The following SSMEM1 variants were observed in gnomAD, a reference collection of about 807,000 sequenced individuals.
The protein encoded by SSMEM1 is serine rich single-pass membrane protein 1, also known as serine-rich single-pass membrane protein 1.
Under a neutral mutation model 9.9 loss-of-function variants are expected in SSMEM1, and 12 were observed. The ratio of observed to expected loss-of-function variants is 1.21; its 90% CI spans 0.78 to 1.96. The LOEUF is 1.96. Among genes scored for constraint, SSMEM1 ranks in the 30% most tolerant of loss-of-function variants. The pLI, the probability that SSMEM1 is intolerant of heterozygous loss-of-function variation, is 0.00. For missense variants in SSMEM1, 259 were observed against 292.2 expected, an observed-to-expected ratio of 0.89 and a Z score of 0.83; for synonymous variants, 96 against 98.9, an observed-to-expected ratio of 0.97 and a Z score of 0.17.
chr7:130,209,963 A>T (rs1242986383), intron 1 of SSMEM1, among the ~76,000 whole-genome samples: 1 of 152,210 alleles, frequency 6.6e-6, no homozygotes, highest in Non-Finnish European at 1.5e-5. Context: ...TCAAGAGAGC[A>T]TGTGGTCCAG....
At chr7:130,210,648 A>G (rs1798574161) in intron 1 of SSMEM1, among the ~76,000 whole-genome samples, 1 of 152,212 alleles carries the variant, frequency 6.6e-6, no homozygotes, top group African/African-American at 2.4e-5. Context: ...AAAAATCAAG[A>G]GTTGTTAGTG....
At chr7:130,214,588 T>C (rs963439404) in intron 2 of SSMEM1, among the ~76,000 whole-genome samples, 2 of 152,172 alleles carry the variant, frequency 1.3e-5, no homozygotes, top group African/African-American at 2.4e-5. Flanking sequence ...CTGCAATTGA[T>C]GAACAAGTAT....
rs536804272 is a variant in SSMEM1 at position 130,212,836 on chromosome 7, G to A, written c.184-644G>A. Among the ~76,000 whole-genome samples the A allele has an allele frequency of 6.6e-5, 10 of 152,188 alleles. No homozygotes were observed. The South Asian group carries it at 1.9e-3, about 28-fold the overall frequency. On this transcript the variant is annotated intron_variant, in intron 1 of 2. Transcript: ENST00000297819. ...CACTACTTCTCTGTAATGTAAATGG[G>A]TACAGGAAAGCTTTATAAGCTATAG...
intron 2 of SSMEM1, 107 bp from the exon 3 acceptor site, chr7:130,215,867 A>G: frequency 7.0e-7 from 1 of 1,433,606 alleles, no homozygotes; most frequent in Non-Finnish European, 9.4e-7. Context: ...CAATGGCTTG[A>G]CAACTGGCCA....
rs1434929725 is a variant in SSMEM1, at chr7:130,216,224, G to T, written c.489G>T (p.Lys163Asn). Reference protein sequence around the residue: ...EESNSEASSWKESESEHHPSP... With the variant: ...EESNSEASSWNESESEHHPSP... The stretch of plus-strand genomic sequence containing the variant: ...CTAACTCAGAAGCCTCCTCGTGGAA[G>T]GAGAGTGAAAGTGAACACCACCCAT... Residue 163 changes from lysine (K) to asparagine (N), a missense_variant, in exon 3 of 3, where the codon AAG (lysine) becomes AAT (asparagine). Physicochemically the swap from Lys to Asn is moderately conservative, Grantham distance 94 (BLOSUM62 0). Transcript: ENST00000297819. 1 of 1,614,180 alleles carries T rather than the reference G, an allele frequency of 6.2e-7. No homozygotes were observed. The highest frequency in any genetic ancestry group is 1.1e-5 in the South Asian group (1 of 91,078).
chr7:130,213,230 C>T (rs1798626700), intron 1 of SSMEM1, among the ~76,000 whole-genome samples: 1 of 152,024 alleles, frequency 6.6e-6, no homozygotes, highest in Admixed American at 6.6e-5. Flanking sequence ...CACCTGTAAT[C>T]CCAGCTACTT....
intron 1 of SSMEM1, among the ~76,000 whole-genome samples, chr7:130,209,019 C>T (rs765337356): frequency 2.0e-5 from 3 of 152,196 alleles, no homozygotes; most frequent in Non-Finnish European, 4.4e-5. Context: ...CAAGCCACCA[C>T]GCTCTGCTAA....
chr7:130,213,692 C>CAAAAAAAAAAAAAAAAAAAAAAAAAA (rs1179465068), intron 2 of SSMEM1, among the ~76,000 whole-genome samples, 158 bp downstream of exon 2: 5 of 79,784 alleles, frequency 6.3e-5, no homozygotes, highest in Non-Finnish European at 1.2e-4. Flanking sequence ...GACCCAGTAC[C>CAAAAAAAAAAAAAAAAAAAAAAAAAA]AAAAAAAAAA....
chr7:130,216,610 G>T lies in SSMEM1; in HGVS notation c.*140G>T. ...ACAAAAACATACTTGGAACCCAAGA[G>T]GTAAAATCTCACACAATTCTTCGTT... On this transcript the variant is annotated 3_prime_UTR_variant, in exon 3 of 3. Transcript: ENST00000297819. 9.2e-7 allele frequency: 1 copy of T among 1,082,664 alleles called. No individual in the cohort carries two copies. Among genetic ancestry groups the T allele is most frequent in the Non-Finnish European group, 1.3e-6 (1 of 766,586 alleles). 67.1% of individuals were successfully genotyped at this position (1,082,664 alleles called of 1,614,324 possible). A position where few individuals can be genotyped will look rare whatever the true frequency, so the allele number is the denominator to read the frequency against.
upstream of SSMEM1, among the ~76,000 whole-genome samples, chr7:130,205,901 C>G (rs1015921303): frequency 6.6e-6 from 1 of 152,048 alleles, no homozygotes; most frequent in African/African-American, 2.4e-5. Context: ...GTCTCGATTT[C>G]CTAACCTCAA....
chr7:130,209,762 T>C (rs994433417), intron 1 of SSMEM1, among the ~76,000 whole-genome samples: 1 of 152,150 alleles, frequency 6.6e-6, no homozygotes, highest in African/African-American at 2.4e-5. Flanking sequence ...GTATTTTTAG[T>C]AGAGATGGAG....
upstream of SSMEM1, chr7:130,205,594 T>G: frequency 1.5e-6 from 1 of 646,640 alleles, no homozygotes; most frequent in Non-Finnish European, 2.7e-6. Flanking sequence ...GGGAGAAAGC[T>G]AAGCAGCAAA....
chr7:130,213,592 G>A, intron 2 of SSMEM1, 58 bp downstream of exon 2: 3 of 1,483,420 alleles, frequency 2.0e-6, no homozygotes, highest in East Asian at 4.9e-5. Context: ...GTGTGGTGTT[G>A]CATGCCTGTA....
rs1240727416 is a variant in SSMEM1 at position 130,207,993 on chromosome 7, A to C, written c.83A>C (p.Glu28Ala). 6.2e-7 allele frequency: 1 copy of C among 1,614,062 alleles called. No homozygotes were observed. The highest frequency in any genetic ancestry group is 2.2e-5 in the East Asian group (1 of 44,854). ...VNCAIPNQDY[E>A]CWKDDSCGTI... Reference sequence around the variant, plus strand: ...TGTGCCATTCCAAATCAGGATTATGAATGCTGGAAGGATGACTCTTGTGGA... The same window carrying C: ...TGTGCCATTCCAAATCAGGATTATGCATGCTGGAAGGATGACTCTTGTGGA... The change falls in exon 1 of 3, where the codon GAA (glutamate) becomes GCA (alanine). Residue 28 changes from glutamate (E) to alanine (A), a missense_variant. Coordinates refer to ENST00000297819, the MANE Select transcript of SSMEM1 (RefSeq NM_145268.4).
At position 130,208,042 on chromosome 7, in the gene SSMEM1, G is replaced by T. The variant is rs1285121537; in HGVS notation, c.132G>T (p.Trp44Cys). 6.2e-7 allele frequency: 1 copy of T among 1,613,926 alleles called. No homozygotes were observed. Among genetic ancestry groups the T allele is most frequent in the East Asian group, 2.2e-5 (1 of 44,840 alleles). The part of the protein sequence containing the change: ...SCGTIGSFLL[W>C]YFVIVFVLMF... ...GAACCATAGGGAGCTTCCTGCTTTG[G>T]TATTTTGTTATCGTATTTGTCCTGA... The change falls in exon 1 of 3, where the codon TGG becomes TGT. Residue 44 changes from tryptophan to cysteine, a missense_variant. Physicochemically the swap from Trp to Cys is radical, Grantham distance 215. Coordinates refer to ENST00000297819, the MANE Select transcript of SSMEM1 (RefSeq NM_145268.4).
At chr7:130,205,421 T>C (rs1005576205), upstream of SSMEM1, 15 of 1,613,304 alleles carry the variant, frequency 9.3e-6, no homozygotes, top group Non-Finnish European at 1.3e-5. Flanking sequence ...TCTCTGGGCA[T>C]GCGCAAAGCC....
rs1306836994 is a variant in SSMEM1 at position 130,208,040 on chromosome 7, T to C, written c.130T>C (p.Trp44Arg). The stretch of plus-strand genomic sequence containing the variant: ...TGGAACCATAGGGAGCTTCCTGCTT[T>C]GGTATTTTGTTATCGTATTTGTCCT... ...SCGTIGSFLL[W>R]YFVIVFVLMF... Residue 44 changes from tryptophan (W) to arginine (R), a missense_variant, in exon 1 of 3, where the codon TGG becomes CGG. Trp to Arg is a moderately radical substitution (Grantham distance 101, BLOSUM62 -3). Coordinates refer to ENST00000297819, the MANE Select transcript of SSMEM1 (RefSeq NM_145268.4). The C allele has an allele frequency of 7.4e-6, 12 of 1,613,962 alleles. No homozygotes were observed. Among genetic ancestry groups the C allele is most frequent in the Non-Finnish European group, 9.3e-6 (11 of 1,179,978 alleles).
upstream of SSMEM1, chr7:130,205,566 C>T (rs1342200117): frequency 1.0e-5 from 8 of 798,942 alleles, no homozygotes; most frequent in South Asian, 1.6e-5. Context: ...CTCGGTTTTG[C>T]GGCTCCCACT....
At chr7:130,205,860 G>A (rs1162361647), upstream of SSMEM1, among the ~76,000 whole-genome samples, 1 of 151,604 alleles carries the variant, frequency 6.6e-6, no homozygotes, top group Admixed American at 6.6e-5. Flanking sequence ...TTTTTTGGTA[G>A]AGACAGGGTT....
Sources: allele counts gnomAD v4.1 joint callset (sites outside exome capture counted in the v4.1 genomes callset), GRCh38; gene constraint gnomAD v4.1.1; transcripts MANE v1.5; gene names NCBI Gene and HGNC (gene_info 2026-07-23, HGNC 2026-07-21).